Variants in CD46 observed in about 807,000 individuals in gnomAD.
CD46 encodes membrane cofactor protein.
Under a neutral mutation model 53.3 loss-of-function variants are expected in CD46, and 30 were observed. The observed-to-expected ratio is 0.56, with a 90% CI of 0.42 to 0.76. The LOEUF (loss-of-function observed/expected upper bound fraction) is 0.76. Among genes scored for constraint, CD46 ranks in the 30% least tolerant of loss-of-function variants. The pLI is 0.00. For synonymous variants in CD46, 142 were observed against 152.0 expected (o/e 0.93, Z 0.48); for missense variants, 409 against 463.0 (o/e 0.88, Z 1.07).
intron 8 of CD46, among the ~76,000 whole-genome samples, chr1:207,772,386 C>G (rs1657609854): frequency 6.6e-6 from 1 of 152,088 alleles, no homozygotes; most frequent in Non-Finnish European, 1.5e-5. Flanking sequence ...AATTGAATAC[C>G]CTTTATTTCT....
chr1:207,766,205 C>G (rs1280162631), intron 5 of CD46, among the ~76,000 whole-genome samples: 1 of 152,146 alleles, frequency 6.6e-6, no homozygotes, highest in African/African-American at 2.4e-5. Context: ...TGGAACTTTT[C>G]TGTATCTTTA....
At chr1:207,785,790 T>C in intron 11 of CD46, 108 bp downstream of exon 11, 1 of 548,070 alleles carries the variant, frequency 1.8e-6, no homozygotes, top group Non-Finnish European at 3.0e-6. Flanking sequence ...TTTTTTTTTT[T>C]TAAAAAAATG....
chr1:207,754,548 C>T (rs879440157), intron 1 of CD46, among the ~76,000 whole-genome samples: 7 of 152,144 alleles, frequency 4.6e-5, no homozygotes, highest in Non-Finnish European at 1.0e-4. Flanking sequence ...GATTTGTTTA[C>T]CTCTGTATCT....
intron 6 of CD46, chr1:207,767,564 A>G: frequency 6.8e-7 from 1 of 1,462,484 alleles, no homozygotes; most frequent in Non-Finnish European, 9.6e-7. Context: ...TGAGAGCAAT[A>G]ACTCCCAAGT....
At chr1:207,753,572 G>A (rs1655161934) in intron 1 of CD46, among the ~76,000 whole-genome samples, 1 of 152,120 alleles carries the variant, frequency 6.6e-6, no homozygotes, top group Admixed American at 6.5e-5. Context: ...TCTGGGGGCC[G>A]AGGTAGGAGA....
intron 11 of CD46, 45 bp from the exon 12 acceptor site, chr1:207,790,208 T>C (rs1558084171): frequency 1.0e-6 from 1 of 979,588 alleles, no homozygotes; most frequent in Non-Finnish European, 1.7e-6. Context: ...TCTTTTTGGT[T>C]TGAAGTCACT....
chr1:207,759,122 A>G (rs1347744284), intron 3 of CD46, among the ~76,000 whole-genome samples: 3 of 152,226 alleles, frequency 2.0e-5, no homozygotes, highest in Admixed American at 6.5e-5. Flanking sequence ...AGCACTATCT[A>G]TGTGCCAAAT....
In CD46 at chr1:207,761,273, A is replaced by G. The variant is rs764914295; in HGVS notation, c.500A>G (p.Lys167Arg). 2.5e-6 allele frequency: 4 copies of G among 1,612,042 alleles called. No homozygotes were observed. Among genetic ancestry groups the G allele is most frequent in the Non-Finnish European group, 3.4e-6 (4 of 1,178,266 alleles). ...GAGGTTTTGTGTACACCACCTCCAAAAATAAAAAATGGAAAACACACCTTT... is the reference window on the plus strand; with the variant it reads ...GAGGTTTTGTGTACACCACCTCCAAGAATAAAAAATGGAAAACACACCTTT... ...CEKVLCTPPPKIKNGKHTFSE... is the reference protein window; with the variant it reads ...CEKVLCTPPPRIKNGKHTFSE... Residue 167 changes from lysine (K) to arginine (R), a missense_variant, in exon 5 of 13, where the codon AAA (lysine) becomes AGA (arginine). Physicochemically the swap from Lys to Arg is conservative, Grantham distance 26. Transcript: ENST00000367042.
rs998240601 is a variant in CD46, at chr1:207,752,599, C to A, written c.97+290C>A. 6.6e-6 allele frequency among the ~76,000 whole-genome samples: 1 copy of A among 152,208 alleles called. No homozygotes were observed. Among genetic ancestry groups the A allele is most frequent in the African/African-American group, 2.4e-5 (1 of 41,446 alleles). On this transcript the variant is annotated intron_variant, in intron 1 of 12. Coordinates refer to ENST00000367042, the MANE Select transcript of CD46 (RefSeq NM_172351.3). The surrounding 1 kb of genome is among the most constrained non-coding windows in gnomAD (Gnocchi z 4.1). ...TGTTTTCGGGATTGAGCCAGTCGGC[C>A]AGGGGAGCGCGGACTGGGCGCCCTA...
intron 12 of CD46, 51 bp downstream of exon 12, chr1:207,790,396 T>A: frequency 1.1e-6 from 1 of 898,324 alleles, no homozygotes; most frequent in Non-Finnish European, 1.8e-6. Context: ...TTGAAAAATA[T>A]TCAGTGGATA....
chr1:207,756,476 T>C (rs1655554628), intron 1 of CD46, among the ~76,000 whole-genome samples: 1 of 152,230 alleles, frequency 6.6e-6, no homozygotes, highest in African/African-American at 2.4e-5. Flanking sequence ...TGAATACTTA[T>C]TTGCAGATAG....
At chr1:207,787,205 G>A (rs551882125) in intron 11 of CD46, among the ~76,000 whole-genome samples, 38 of 152,040 alleles carry the variant, frequency 2.5e-4, no homozygotes, top group Non-Finnish European at 5.1e-4. Context: ...CGAGTAGCTG[G>A]GATTACAGTC....
Position 207,794,250 on chromosome 1 carries a change from C to T in CD46, c.*773C>T, listed in dbSNP as rs1007507978. The T allele has an allele frequency of 6.6e-6, 1 of 152,634 alleles. No individual in the cohort carries two copies. Among genetic ancestry groups the T allele is most frequent in the East Asian group, 1.9e-4 (1 of 5,200 alleles). The allele number at this position is 152,634 out of a possible 1,614,324, so 9.5% of individuals were successfully genotyped here. ...ATTTGTTTTCACTTTTTAAAACATC[C>T]CTAACTGATCGAATATATCAGTAAT... On this transcript the variant is annotated 3_prime_UTR_variant, in exon 13 of 13. Coordinates refer to ENST00000367042, the MANE Select transcript of CD46 (RefSeq NM_172351.3).
chr1:207,790,249 TCAG>T lies in CD46; in HGVS notation c.1083-1_1084del. ...ATTCAGCCGTTTTCTCTTCCTCTGT[TCAG>T]CACATACCTAACTGATGAGACCCAC... On this transcript the variant is annotated splice_acceptor_variant and splice_polypyrimidine_tract_variant and intron_variant, in intron 11 of 12. Transcript: ENST00000367042. LOFTEE classifies it high-confidence loss of function. 1.3e-6 allele frequency: 2 copies of T among 1,511,266 alleles called. No individual in the cohort carries two copies. The highest frequency in any genetic ancestry group is 1.8e-6 in the Non-Finnish European group (2 of 1,086,434). The allele number at this position is 1,511,266 out of a possible 1,614,324, so 93.6% of individuals were successfully genotyped here.
chr1:207,766,747 C>G (rs1016013749), intron 5 of CD46, among the ~76,000 whole-genome samples: 2 of 152,010 alleles, frequency 1.3e-5, no homozygotes, highest in African/African-American at 4.8e-5. Flanking sequence ...AGGGCAGGGA[C>G]AAGTAAGAAT....
intron 2 of CD46, 144 bp downstream of exon 2, chr1:207,757,346 A>T: frequency 3.3e-6 from 3 of 901,240 alleles, no homozygotes; most frequent in Non-Finnish European, 5.3e-6. Context: ...AGCTTTGAGA[A>T]ATCAAAATCT....
intron 5 of CD46, chr1:207,762,454 G>T (rs1227086856): frequency 6.6e-6 from 1 of 152,078 alleles, no homozygotes; most frequent in Non-Finnish European, 1.5e-5. Context: ...AAAAAAAATA[G>T]AGGAAATCAG....
At chr1:207,762,926 G>C (rs1656395406) in intron 5 of CD46, 1 of 152,518 alleles carries the variant, frequency 6.6e-6, no homozygotes. Context: ...TCAGACCTTT[G>C]CTCTGTCACC....
intron 5 of CD46, 46 bp from the exon 6 acceptor site, chr1:207,766,967 G>A (rs1181564804): frequency 2.0e-6 from 3 of 1,488,012 alleles, no homozygotes; most frequent in Non-Finnish European, 2.8e-6. Flanking sequence ...TACTTTTTCT[G>A]CTAAAGCAGA....
Sources: gnomAD v4.1 joint callset for allele counts (sites outside exome capture counted in the v4.1 genomes callset) on GRCh38, gnomAD v4.1.1 for gene constraint, Gnocchi (gnomAD v3.1) non-coding constraint, MANE v1.5 for transcripts, NCBI Gene and HGNC (gene_info 2026-07-23, HGNC 2026-07-21) for gene names.